The following CEP20 variants were observed in gnomAD, a reference collection of about 807,000 sequenced individuals.
CEP20 encodes FGFR1OP N-terminal like.
CEP20 carries 18 observed loss-of-function variants against 20.0 expected under a neutral mutation model. The observed-to-expected ratio is 0.90, with a 90% confidence interval of 0.62 to 1.34. CEP20 has a LOEUF of 1.34. Ranked by LOEUF, CEP20 falls within the 40% of genes most tolerant of loss-of-function variation. CEP20 has a pLI of 0.00. For missense variants in CEP20, 215 were observed against 201.6 expected, an observed-to-expected ratio of 1.07 and a Z score of -0.40; for synonymous variants, 77 against 73.7, an observed-to-expected ratio of 1.04 and a Z score of -0.23.
chr16:15,882,127 C>T (rs953391555), intron 2 of CEP20, among the ~76,000 whole-genome samples: 26 of 152,192 alleles, frequency 1.7e-4, no homozygotes, highest in Admixed American at 1.3e-4. Context: ...CCACCCTTGG[C>T]CCCTGCCTTC....
At chr16:15,883,692 A>G (rs1448066589) in intron 2 of CEP20, among the ~76,000 whole-genome samples, 1 of 152,134 alleles carries the variant, frequency 6.6e-6, no homozygotes, top group East Asian at 1.9e-4. Context: ...ATACTTAATC[A>G]GCGTATATTT....
At chr16:15,873,073 ATT>A (rs919167262) in intron 4 of CEP20, among the ~76,000 whole-genome samples, 1 of 151,446 alleles carries the variant, frequency 6.6e-6, no homozygotes, top group African/African-American at 2.4e-5. Flanking sequence ...AGTTTTCAGT[ATT>A]TTTTTGTTTT....
At chr16:15,888,042 C>T (rs188146318) in intron 1 of CEP20, among the ~76,000 whole-genome samples, 1 of 149,758 alleles carries the variant, frequency 6.7e-6, no homozygotes, top group Non-Finnish European at 1.5e-5. Flanking sequence ...CGCGCTACTG[C>T]ACTCCAGCCT....
chr16:15,873,307 C>T (rs929201340), intron 4 of CEP20, among the ~76,000 whole-genome samples, 184 bp downstream of exon 4: 1 of 152,028 alleles, frequency 6.6e-6, no homozygotes, highest in Non-Finnish European at 1.5e-5. Flanking sequence ...TGCCTCCCAC[C>T]CTTCCCTGTC....
chr16:15,887,066 T>C lies in CEP20; in HGVS notation c.28+1492A>G, dbSNP rs552120707. On this transcript the variant is annotated intron_variant, in intron 1 of 4. Transcript: ENST00000255759. Reference sequence around the variant, plus strand: ...ACAGGCCACTATGCCCGGCTCTTTTTTTTAATTTTTATTTTTTAAATAAAG... The same window carrying C: ...ACAGGCCACTATGCCCGGCTCTTTTCTTTAATTTTTATTTTTTAAATAAAG... Among the ~76,000 whole-genome samples the C allele has an allele frequency of 3.9e-5, 6 of 152,110 alleles. No individual in the cohort carries two copies. The East Asian group carries it at 1.2e-3, about 29-fold the overall frequency.
chr16:15,888,065 G>A (rs62031730), intron 1 of CEP20, among the ~76,000 whole-genome samples: 1 of 142,400 alleles, frequency 7.0e-6, no homozygotes, highest in Admixed American at 7.1e-5. Flanking sequence ...GCGACAGAGA[G>A]ACCCTCTCTT....
At chr16:15,873,340 T>G in intron 4 of CEP20, 151 bp downstream of exon 4, 1 of 890,176 alleles carries the variant, frequency 1.1e-6, no homozygotes, top group Non-Finnish European at 1.5e-6. Context: ...CAAAAAGCAT[T>G]CTGTTTCTTG....
chr16:15,882,758 T>TACACACACACACACA (rs1280415396), intron 2 of CEP20, among the ~76,000 whole-genome samples: 1 of 126,360 alleles, frequency 7.9e-6, no homozygotes, highest in African/African-American at 3.1e-5. Flanking sequence ...TATCTATCTA[T>TACACACACACACACA]CTATCTATCT....
rs557211036 is a variant in CEP20 at position 15,888,499 on chromosome 16, C to T, written c.28+59G>A. ...CCGCGCGCTCTCCTCCCATCCCATCCTTTCCACAAGATGAAGGCCCGACGC... is the reference window on the plus strand; with the variant it reads ...CCGCGCGCTCTCCTCCCATCCCATCTTTTCCACAAGATGAAGGCCCGACGC... On this transcript the variant is annotated intron_variant, in intron 1 of 4. Coordinates refer to ENST00000255759, the MANE Select transcript of CEP20 (RefSeq NM_144600.4). The T allele has an allele frequency of 5.5e-5, 89 of 1,612,228 alleles. 2 individuals are homozygous for T. The Admixed American group carries it at 9.7e-4, about 18-fold the overall frequency.
intron 4 of CEP20, among the ~76,000 whole-genome samples, chr16:15,871,102 A>C (rs368654436): frequency 1.3e-5 from 2 of 151,882 alleles, no homozygotes; most frequent in African/African-American, 4.8e-5. Flanking sequence ...TCTCTACTAA[A>C]AATACAAAAA....
intron 1 of CEP20, among the ~76,000 whole-genome samples, chr16:15,888,207 G>C (rs2045293049): frequency 6.6e-6 from 1 of 151,904 alleles, no homozygotes; most frequent in Non-Finnish European, 1.5e-5. Flanking sequence ...GTAGTCATCA[G>C]CCCTGAGTGC....
At chr16:15,870,135 A>T (rs563704386) in intron 4 of CEP20, among the ~76,000 whole-genome samples, 1 of 152,332 alleles carries the variant, frequency 6.6e-6, no homozygotes, top group East Asian at 1.9e-4. Context: ...TCATCTCAGA[A>T]GAACAGAAAT....
chr16:15,871,293 T>A (rs1027882194), intron 4 of CEP20, among the ~76,000 whole-genome samples: 2 of 150,934 alleles, frequency 1.3e-5, no homozygotes, highest in African/African-American at 4.9e-5. Flanking sequence ...ATAAAATAAA[T>A]AAAATAAAAT....
At chr16:15,886,493 G>A (rs76085499) in intron 1 of CEP20, among the ~76,000 whole-genome samples, 10,817 of 152,116 alleles carry the variant, frequency 0.071, 1,126 homozygotes, top group African/African-American at 0.25. Flanking sequence ...TTTGTCACTG[G>A]CAAGGATCCT....
chr16:15,876,195 AGTCTT>A (rs1437721742), intron 3 of CEP20, among the ~76,000 whole-genome samples: 1 of 148,282 alleles, frequency 6.7e-6, no homozygotes, highest in Non-Finnish European at 1.5e-5. Context: ...AAAGAATTGA[AGTCTT>A]GGGCCGATGG....
At chr16:15,875,086 A>T (rs2044911862) in intron 3 of CEP20, among the ~76,000 whole-genome samples, 1 of 152,212 alleles carries the variant, frequency 6.6e-6, no homozygotes, top group African/African-American at 2.4e-5. Flanking sequence ...AGCCAATCCC[A>T]AATCCCCGAA....
intron 3 of CEP20, among the ~76,000 whole-genome samples, chr16:15,877,833 T>C (rs887612858): frequency 1.6e-4 from 24 of 151,288 alleles, no homozygotes; most frequent in Non-Finnish European, 1.2e-4. Context: ...GGTGGGCAGA[T>C]CACTTGAGGC....
At chr16:15,881,487 G>A (rs959593863) in intron 2 of CEP20, among the ~76,000 whole-genome samples, 6 of 152,166 alleles carry the variant, frequency 3.9e-5, no homozygotes, top group Non-Finnish European at 7.3e-5. Context: ...TAAAGGATCT[G>A]TAACGAAAAA....
intron 3 of CEP20, among the ~76,000 whole-genome samples, chr16:15,878,563 C>A (rs188822572): frequency 1.9e-3 from 282 of 150,020 alleles, no homozygotes; most frequent in African/African-American, 6.7e-3. Context: ...GTGGTGTGAT[C>A]TTGGCTCACT....
Sources: allele counts gnomAD v4.1 joint callset (sites outside exome capture counted in the v4.1 genomes callset), GRCh38; gene constraint gnomAD v4.1.1; transcripts MANE v1.5; gene names NCBI Gene and HGNC (gene_info 2026-07-23, HGNC 2026-07-21).